GSG1L: variants seen among roughly 807,000 people sequenced by gnomAD.
GSG1L encodes GSG1 like.
Under a neutral mutation model 42.1 loss-of-function variants are expected in GSG1L, and 24 were observed. That is an observed-to-expected ratio of 0.57 (90% CI 0.41 to 0.80). GSG1L has a LOEUF of 0.80. GSG1L is among the 30% of genes least tolerant of loss of function. The pLI is 0.00. For synonymous variants in GSG1L, 215 were observed against 203.5 expected (o/e 1.06, Z -0.48); for missense variants, 445 against 472.2 (o/e 0.94, Z 0.53).
chr16:27,823,378 G>A (rs1047036158), intron 5 of GSG1L, among the ~76,000 whole-genome samples: 4 of 152,124 alleles, frequency 2.6e-5, no homozygotes, highest in African/African-American at 7.2e-5. Flanking sequence ...CTTCGACAGC[G>A]CTGAACACCA....
intron 1 of GSG1L, among the ~76,000 whole-genome samples, chr16:28,009,064 C>A (rs943029944): frequency 5.3e-5 from 8 of 152,166 alleles, no homozygotes; most frequent in Admixed American, 2.0e-4. Context: ...CCGCCTTGGC[C>A]TCCCGAAGTA....
chr16:28,030,533 T>C (rs2085945477), intron 1 of GSG1L, among the ~76,000 whole-genome samples: 1 of 152,082 alleles, frequency 6.6e-6, no homozygotes, highest in Non-Finnish European at 1.5e-5. Flanking sequence ...CTGAAACCAG[T>C]TGATGTTATA....
At chr16:28,038,082 G>A (rs1256093158) in intron 1 of GSG1L, among the ~76,000 whole-genome samples, 3 of 152,202 alleles carry the variant, frequency 2.0e-5, no homozygotes, top group Non-Finnish European at 4.4e-5. Flanking sequence ...GCACGGAGCA[G>A]TTAAACAATT....
chr16:27,861,702 G>T (rs1395834030), intron 3 of GSG1L, among the ~76,000 whole-genome samples: 3 of 152,024 alleles, frequency 2.0e-5, no homozygotes, highest in Non-Finnish European at 2.9e-5. Flanking sequence ...CCTCCTTCTT[G>T]TCCCTTGCAT....
At chr16:28,029,944 A>G (rs1596714477) in intron 1 of GSG1L, among the ~76,000 whole-genome samples, 1 of 152,326 alleles carries the variant, frequency 6.6e-6, no homozygotes, top group East Asian at 1.9e-4. Context: ...GTGTACAGAC[A>G]TGACAGGCAT....
At position 28,028,070 on chromosome 16, in the gene GSG1L, A is replaced by T. The variant is rs182205618; in HGVS notation, c.349+35006T>A. Among the ~76,000 whole-genome samples the T allele has an allele frequency of 1.3e-3, 193 of 152,292 alleles. No homozygotes were observed. In the Middle Eastern group the frequency reaches 0.014, roughly 11 times the overall value. ...GCCAGGCATTTGGCTGGTCACGTAC[A>T]TGTGTCATTTCGTGAGTCTTTCCTA... is the stretch of plus-strand genomic sequence containing the variant. On this transcript the variant is annotated intron_variant, in intron 1 of 6. Transcript: ENST00000447459.
Position 27,983,532 on chromosome 16 carries a change from G to T in GSG1L, c.350-20329C>A, listed in dbSNP as rs115625718. Among the ~76,000 whole-genome samples the T allele has an allele frequency of 7.6e-3, 1,154 of 152,284 alleles. 14 individuals carry two copies. Among genetic ancestry groups the T allele is most frequent in the African/African-American group, 0.026 (1,073 of 41,554 alleles). Reference sequence around the variant, plus strand: ...TTTCAGGGAAGCTTGATAAATTAAAGAATTGTGATTTTTGTAATGTCATCC... The same window carrying T: ...TTTCAGGGAAGCTTGATAAATTAAATAATTGTGATTTTTGTAATGTCATCC... On this transcript the variant is annotated intron_variant, in intron 1 of 6. Coordinates refer to ENST00000447459, the MANE Select transcript of GSG1L (RefSeq NM_001109763.2).
chr16:27,880,233 G>A (rs2083936645), intron 3 of GSG1L, among the ~76,000 whole-genome samples: 1 of 152,166 alleles, frequency 6.6e-6, no homozygotes, highest in South Asian at 2.1e-4. Flanking sequence ...CTGGCCAGAC[G>A]CCCAGCTCTC....
At chr16:28,013,934 C>T (rs1028418945) in intron 1 of GSG1L, among the ~76,000 whole-genome samples, 1 of 152,218 alleles carries the variant, frequency 6.6e-6, no homozygotes, top group African/African-American at 2.4e-5. Flanking sequence ...CTGACAACGA[C>T]CAGGGTGCCC....
intron 5 of GSG1L, 57 bp from the exon 6 acceptor site, chr16:27,807,611 G>C (rs2082982113): frequency 2.0e-6 from 3 of 1,473,892 alleles, no homozygotes; most frequent in South Asian, 2.4e-5. Context: ...AGGATGAGTG[G>C]GCAGAGACCC....
chr16:27,840,505 G>C (rs1352681150), intron 4 of GSG1L, among the ~76,000 whole-genome samples: 1 of 152,128 alleles, frequency 6.6e-6, no homozygotes, highest in Non-Finnish European at 1.5e-5. Flanking sequence ...CTGAGACATG[G>C]CGCCAAAAGG....
At chr16:27,849,953 TGAA>T (rs910363000) in intron 3 of GSG1L, among the ~76,000 whole-genome samples, 3 of 149,110 alleles carry the variant, frequency 2.0e-5, no homozygotes, top group Admixed American at 6.8e-5. Context: ...TTTGCCAAGA[TGAA>T]GAAGATGAAG....
chr16:28,000,585 G>A (rs559608611), intron 1 of GSG1L, among the ~76,000 whole-genome samples: 18 of 152,102 alleles, frequency 1.2e-4, no homozygotes, highest in Non-Finnish European at 2.4e-4. Flanking sequence ...CTCCAGACTG[G>A]TGCAAGAGGG....
At chr16:27,905,192 G>A (rs2084306527) in intron 2 of GSG1L, among the ~76,000 whole-genome samples, 1 of 152,118 alleles carries the variant, frequency 6.6e-6, no homozygotes, top group Non-Finnish European at 1.5e-5. Flanking sequence ...AAGGTCACAC[G>A]GCTTCTAGCC....
intron 2 of GSG1L, among the ~76,000 whole-genome samples, chr16:27,951,615 T>C (rs1042745531): frequency 6.6e-6 from 1 of 152,160 alleles, no homozygotes; most frequent in Non-Finnish European, 1.5e-5. Context: ...GGCAAAAAGA[T>C]GCTCTAGCCA....
At chr16:27,926,667 C>T (rs542707641) in intron 2 of GSG1L, among the ~76,000 whole-genome samples, 37 of 151,912 alleles carry the variant, frequency 2.4e-4, no homozygotes, top group Non-Finnish European at 1.6e-4. Flanking sequence ...CCAGCCTGGG[C>T]GACAGAGCGA....
At chr16:27,988,836 C>T (rs1370115110) in intron 1 of GSG1L, among the ~76,000 whole-genome samples, 2 of 150,828 alleles carry the variant, frequency 1.3e-5, no homozygotes, top group Non-Finnish European at 3.0e-5. Flanking sequence ...GGGCGGATCA[C>T]GAGGTCAGGA....
intron 3 of GSG1L, among the ~76,000 whole-genome samples, chr16:27,852,069 A>G (rs890699094): frequency 5.3e-5 from 8 of 152,256 alleles, no homozygotes; most frequent in Non-Finnish European, 1.0e-4. Flanking sequence ...CATTTAATTG[A>G]GATACCAGGG....
chr16:27,921,556 A>T (rs998184095), intron 2 of GSG1L, among the ~76,000 whole-genome samples: 1 of 152,172 alleles, frequency 6.6e-6, no homozygotes, highest in Non-Finnish European at 1.5e-5. Flanking sequence ...ACCATTCCCC[A>T]AAAGAGACAT....
Sources: allele counts gnomAD v4.1 joint callset (sites outside exome capture counted in the v4.1 genomes callset), GRCh38; gene constraint gnomAD v4.1.1; transcripts MANE v1.5; gene names NCBI Gene and HGNC (gene_info 2026-07-23, HGNC 2026-07-21).